The following PTPRT variants were observed in gnomAD, a reference collection of about 807,000 sequenced individuals.
The protein encoded by PTPRT is protein tyrosine phosphatase receptor type T.
A neutral mutation model predicts 176.8 loss-of-function variants in PTPRT; 56 were observed. That is an observed-to-expected ratio of 0.32 (90% confidence interval 0.26 to 0.40). The LOEUF (loss-of-function observed/expected upper bound fraction) is 0.40. Among genes scored for constraint, PTPRT ranks in the 10% least tolerant of loss-of-function variants. The probability of loss-of-function intolerance (pLI) is 1.00; values close to 1 mark genes in which losing one functional copy is unlikely to be tolerated. For synonymous variants in PTPRT, 783 were observed against 739.0 expected (o/e 1.06, Z -0.96); for missense variants, 1,540 against 1,908.2 (o/e 0.81, Z 3.60).
chr20:43,021,626 C>T (rs1486182756), intron 1 of PTPRT, among the ~76,000 whole-genome samples: 1 of 151,972 alleles, frequency 6.6e-6, no homozygotes, highest in African/African-American at 2.4e-5. Context: ...TTAATCTTGG[C>T]CAGAGTCCTT....
intron 1 of PTPRT, among the ~76,000 whole-genome samples, chr20:43,166,739 GA>G (rs1270692637): frequency 6.6e-6 from 1 of 152,198 alleles, no homozygotes; most frequent in Non-Finnish European, 1.5e-5. Context: ...GGGTAAGAGA[GA>G]AAAACTGGCC....
the PTPRT span, among the ~76,000 whole-genome samples, chr20:42,038,245 G>T: frequency 4.7e-4 from 72 of 152,274 alleles, no homozygotes; most frequent in South Asian, 1.7e-3. Flanking sequence ...AAGGAGATCG[G>T]CTCAGAGAGG....
At chr20:43,113,827 C>T (rs1017800836) in intron 1 of PTPRT, among the ~76,000 whole-genome samples, 2 of 152,122 alleles carry the variant, frequency 1.3e-5, no homozygotes, top group Admixed American at 1.3e-4. Context: ...AGGGTATTCC[C>T]GAATCTCTTG....
chr20:42,755,558 T>A (rs1044251215), intron 6 of PTPRT, among the ~76,000 whole-genome samples: 4 of 144,194 alleles, frequency 2.8e-5, no homozygotes, highest in Non-Finnish European at 6.0e-5. Context: ...GTTACCAGTG[T>A]AAACTGTCAA....
intron 2 of PTPRT, among the ~76,000 whole-genome samples, chr20:42,826,205 A>C (rs2077990044): frequency 6.6e-6 from 1 of 152,126 alleles, no homozygotes; most frequent in African/African-American, 2.4e-5. Flanking sequence ...AGCATCCCCC[A>C]ATTAGCTCTG....
intron 1 of PTPRT, among the ~76,000 whole-genome samples, chr20:43,025,991 C>A (rs1158710590): frequency 6.6e-6 from 1 of 152,156 alleles, no homozygotes; most frequent in African/African-American, 2.4e-5. Flanking sequence ...ATGTTTAGGT[C>A]TTTAGTGCAG....
chr20:42,621,086 A>T (rs1293228054), intron 7 of PTPRT, among the ~76,000 whole-genome samples: 1 of 152,102 alleles, frequency 6.6e-6, no homozygotes, highest in Non-Finnish European at 1.5e-5. Flanking sequence ...TCCCTCAACA[A>T]GTGGGAATTA....
At chr20:43,113,475 GA>G (rs2012943422) in intron 1 of PTPRT, among the ~76,000 whole-genome samples, 1 of 152,108 alleles carries the variant, frequency 6.6e-6, no homozygotes, top group South Asian at 2.1e-4. Context: ...ATTTTTATTA[GA>G]TCCTCTACTC....
chr20:43,116,260 T>C (rs1419929797), intron 1 of PTPRT, among the ~76,000 whole-genome samples: 2 of 152,158 alleles, frequency 1.3e-5, no homozygotes, highest in African/African-American at 4.8e-5. Flanking sequence ...GACTCTCAGA[T>C]ACCACTGACT....
At chr20:43,095,051 C>A (rs1452909489) in intron 1 of PTPRT, among the ~76,000 whole-genome samples, 4 of 152,114 alleles carry the variant, frequency 2.6e-5, no homozygotes, top group Admixed American at 2.6e-4. Context: ...AAGAGCAGGA[C>A]CAGTGTCTGG....
chr20:42,448,292 C>G lies in PTPRT; in HGVS notation c.1488G>C (p.Gly496=), dbSNP rs146227148. The G allele has an allele frequency of 1.3e-3, 2,022 of 1,613,174 alleles. 2 individuals carry two copies. The highest frequency in any genetic ancestry group is 2.2e-3 in the Admixed American group (132 of 59,996). Residue 496 remains glycine, a synonymous_variant, in exon 9 of 31, where the codon GGG becomes GGC. Transcript: ENST00000373187. ...GAVPLESIQG[G]PFEEKIYIQW... ...GGATGTAGATCTTCTCCTCAAAGGG[C>G]CCCCCTTGGATGGATTCTAGAGGAA...
intron 2 of PTPRT, among the ~76,000 whole-genome samples, chr20:42,831,198 G>A (rs566146682): frequency 1.1e-4 from 17 of 152,074 alleles, no homozygotes; most frequent in East Asian, 1.9e-4. Context: ...CCAATGAAAC[G>A]TAATAGAAAG....
intron 1 of PTPRT, among the ~76,000 whole-genome samples, chr20:43,042,477 G>A (rs924260251): frequency 6.6e-6 from 1 of 152,138 alleles, no homozygotes; most frequent in Non-Finnish European, 1.5e-5. Flanking sequence ...CCCGGCTGCA[G>A]GAGGGAAAGA....
At chr20:42,901,980 T>C (rs956187453) in intron 1 of PTPRT, among the ~76,000 whole-genome samples, 1 of 152,202 alleles carries the variant, frequency 6.6e-6, no homozygotes, top group Non-Finnish European at 1.5e-5. Context: ...CCACATGGTC[T>C]GTAAAGACTG....
At chr20:42,748,004 C>A (rs2076714855) in intron 6 of PTPRT, among the ~76,000 whole-genome samples, 1 of 152,206 alleles carries the variant, frequency 6.6e-6, no homozygotes, top group African/African-American at 2.4e-5. Context: ...AGTTTTGACT[C>A]ATGCACTGAT....
At chr20:42,058,445 AG>A in the PTPRT span, among the ~76,000 whole-genome samples, 1 of 152,070 alleles carries the variant, frequency 6.6e-6, no homozygotes, top group Non-Finnish European at 1.5e-5. Flanking sequence ...CATTTCCTTA[AG>A]TGTATGATTT....
At chr20:42,721,704 T>G (rs913666458) in intron 6 of PTPRT, among the ~76,000 whole-genome samples, 1 of 152,226 alleles carries the variant, frequency 6.6e-6, no homozygotes, top group African/African-American at 2.4e-5. Context: ...ATTCCTATCA[T>G]GAGCCAGTTT....
At chr20:42,070,366 G>A (rs959047067), downstream of PTPRT, among the ~76,000 whole-genome samples, 1 of 151,568 alleles carries the variant, frequency 6.6e-6, no homozygotes, top group Non-Finnish European at 1.5e-5. Context: ...AGCCACACAG[G>A]AAGGCCAGGC....
At chr20:42,855,348 C>G (rs777510265) in intron 2 of PTPRT, among the ~76,000 whole-genome samples, 14 of 151,278 alleles carry the variant, frequency 9.3e-5, no homozygotes, top group Non-Finnish European at 1.8e-4. Flanking sequence ...AATTCTGAAA[C>G]TCAGAAACTG....
Sources: allele counts gnomAD v4.1 joint callset (sites outside exome capture counted in the v4.1 genomes callset), GRCh38; gene constraint gnomAD v4.1.1; transcripts MANE v1.5; gene names NCBI Gene and HGNC (gene_info 2026-07-23, HGNC 2026-07-21).